The following ANKS1B variants were observed in gnomAD, a reference collection of about 807,000 sequenced individuals.
ANKS1B encodes ankyrin repeat and sterile alpha motif domain containing 1B.
In ANKS1B, 36 loss-of-function variants were observed where a neutral mutation model predicts 148.3. The observed-to-expected ratio is 0.24, with a 90% CI of 0.19 to 0.32. The LOEUF (loss-of-function observed/expected upper bound fraction) is 0.32. ANKS1B is among the 10% of genes least tolerant of loss of function. The pLI, the probability that ANKS1B is intolerant of heterozygous loss-of-function variation, is 1.00. For missense variants in ANKS1B, 1,157 were observed against 1,542.6 expected (o/e 0.75, Z 4.19); for synonymous variants, 542 against 560.8 (o/e 0.97, Z 0.47).
At chr12:99,066,883 G>A (rs886967586) in intron 16 of ANKS1B, among the ~76,000 whole-genome samples, 2 of 152,150 alleles carry the variant, frequency 1.3e-5, no homozygotes, top group Admixed American at 6.5e-5. Flanking sequence ...AGCTTGAAGA[G>A]GACTGTATTC....
intron 16 of ANKS1B, among the ~76,000 whole-genome samples, chr12:99,058,257 A>G (rs1440136173): frequency 7.2e-6 from 1 of 139,790 alleles, no homozygotes; most frequent in African/African-American, 2.8e-5. Flanking sequence ...TTTTTTTAAG[A>G]CAGAGTCTCA....
intron 9 of ANKS1B, among the ~76,000 whole-genome samples, chr12:99,634,402 GACCTTGGACTTCTCA>G (rs2098209915): frequency 6.6e-6 from 1 of 152,036 alleles, no homozygotes; most frequent in African/African-American, 2.4e-5. Context: ...GTAGCCCCTT[GACCTTGGACTTCTCA>G]ACCTCAGAAC....
At chr12:99,354,026 G>T (rs2091729086) in intron 12 of ANKS1B, among the ~76,000 whole-genome samples, 1 of 151,924 alleles carries the variant, frequency 6.6e-6, no homozygotes, top group African/African-American at 2.4e-5. Context: ...CTTCTTATTG[G>T]CACACTGGGT....
intron 12 of ANKS1B, among the ~76,000 whole-genome samples, chr12:99,352,522 A>G (rs948773973): frequency 3.3e-5 from 5 of 152,016 alleles, no homozygotes; most frequent in African/African-American, 1.2e-4. Flanking sequence ...GGCAACAAAA[A>G]TTCTGCTTTG....
chr12:99,024,231 C>G (rs116553853), intron 17 of ANKS1B, among the ~76,000 whole-genome samples: 1,648 of 152,036 alleles, frequency 0.011, 26 homozygotes, highest in South Asian at 0.045. Flanking sequence ...AAATATATAC[C>G]CACTAAAGAA....
At chr12:99,036,618 C>T (rs2099955730) in intron 17 of ANKS1B, among the ~76,000 whole-genome samples, 1 of 152,134 alleles carries the variant, frequency 6.6e-6, no homozygotes, top group South Asian at 2.1e-4. Flanking sequence ...GGCATCAGTA[C>T]TTGGAAAGAT....
At chr12:99,625,512 T>TCGAA (rs1567506897) in intron 9 of ANKS1B, among the ~76,000 whole-genome samples, 2 of 152,192 alleles carry the variant, frequency 1.3e-5, no homozygotes, top group Non-Finnish European at 2.9e-5. Flanking sequence ...GCATCCTTCT[T>TCGAA]ACTTAAAACA....
chr12:99,958,014 A>G (rs2095348966), intron 1 of ANKS1B, among the ~76,000 whole-genome samples: 1 of 152,230 alleles, frequency 6.6e-6, no homozygotes, highest in Admixed American at 6.5e-5. Context: ...ACACGGCAGT[A>G]TACTAAGTGC....
At chr12:98,806,045 T>C (rs921696771) in intron 20 of ANKS1B, among the ~76,000 whole-genome samples, 6 of 152,172 alleles carry the variant, frequency 3.9e-5, no homozygotes, top group African/African-American at 1.2e-4. Context: ...CTAACTTTTG[T>C]ATATTTAGTA....
intron 1 of ANKS1B, among the ~76,000 whole-genome samples, chr12:99,912,737 T>G (rs1199459639): frequency 1.3e-5 from 2 of 152,144 alleles, no homozygotes; most frequent in Non-Finnish European, 2.9e-5. Flanking sequence ...ATTATTTCTA[T>G]TTGAATACAT....
chr12:99,940,226 C>T (rs2094885058), intron 1 of ANKS1B, among the ~76,000 whole-genome samples: 3 of 152,142 alleles, frequency 2.0e-5, no homozygotes, highest in African/African-American at 7.2e-5. Flanking sequence ...CTCAAGGTAT[C>T]TCTGAGTGCC....
intron 9 of ANKS1B, among the ~76,000 whole-genome samples, chr12:99,517,959 A>G (rs757200113): frequency 6.6e-6 from 1 of 152,144 alleles, no homozygotes; most frequent in Non-Finnish European, 1.5e-5. Flanking sequence ...ATGCTTTTTC[A>G]GCATCAATTG....
chr12:99,436,598 AG>A (rs1042437070), intron 11 of ANKS1B, among the ~76,000 whole-genome samples: 1 of 152,040 alleles, frequency 6.6e-6, no homozygotes, highest in Non-Finnish European at 1.5e-5. Flanking sequence ...CACAGTGCCC[AG>A]AAAAATGTTA....
chr12:98,774,172 C>T (rs568274208), intron 24 of ANKS1B, among the ~76,000 whole-genome samples: 2 of 152,346 alleles, frequency 1.3e-5, no homozygotes, highest in South Asian at 2.1e-4. Context: ...GGAGGTGGTG[C>T]TGTTGCTACC....
At chr12:99,317,695 C>A (rs1474386300) in intron 12 of ANKS1B, among the ~76,000 whole-genome samples, 1 of 152,140 alleles carries the variant, frequency 6.6e-6, no homozygotes, top group African/African-American at 2.4e-5. Flanking sequence ...GAACTTCCAA[C>A]ACTATGTTGA....
At chr12:99,024,872 G>A (rs1328648477) in intron 17 of ANKS1B, among the ~76,000 whole-genome samples, 2 of 152,016 alleles carry the variant, frequency 1.3e-5, no homozygotes, top group Non-Finnish European at 2.9e-5. Context: ...AGGCAATTAG[G>A]GACTATCTCT....
At chr12:99,647,995 C>T (rs929737565) in intron 9 of ANKS1B, 213 of 757,498 alleles carry the variant, frequency 2.8e-4, no homozygotes, top group Middle Eastern at 3.9e-4. Flanking sequence ...TGGCATTGAG[C>T]GGTTGGTAAT....
At chr12:98,987,464 C>T (rs181903806) in intron 17 of ANKS1B, among the ~76,000 whole-genome samples, 35 of 151,950 alleles carry the variant, frequency 2.3e-4, no homozygotes, top group African/African-American at 8.4e-4. Flanking sequence ...AAAATAATAA[C>T]AACAACAACA....
intron 1 of ANKS1B, among the ~76,000 whole-genome samples, chr12:99,926,633 G>T (rs1187785419): frequency 3.3e-5 from 5 of 152,170 alleles, no homozygotes; most frequent in Non-Finnish European, 7.4e-5. Context: ...CTTGGAACTT[G>T]TCAGCCTCCA....
Sources: allele counts gnomAD v4.1 joint callset (sites outside exome capture counted in the v4.1 genomes callset), GRCh38; gene constraint gnomAD v4.1.1; transcripts MANE v1.5; gene names NCBI Gene and HGNC (gene_info 2026-07-23, HGNC 2026-07-21).